RRP15: variants seen among roughly 807,000 people sequenced by gnomAD.
RRP15 encodes ribosomal RNA processing 15 homolog.
RRP15 carries 18 observed loss-of-function variants against 27.1 expected under a neutral mutation model. The observed-to-expected ratio is 0.66, with a 90% CI of 0.46 to 0.98. The LOEUF (loss-of-function observed/expected upper bound fraction) is 0.98. RRP15 is among the 50% of genes least tolerant of loss of function. RRP15 has a pLI of 0.00. For synonymous variants in RRP15, 107 were observed against 109.4 expected, an observed-to-expected ratio of 0.98 and a Z score of 0.14; for missense variants, 359 against 337.8, an observed-to-expected ratio of 1.06 and a Z score of -0.49.
At chr1:218,315,308 A>T (rs1160235700) in intron 4 of RRP15, among the ~76,000 whole-genome samples, 4 of 152,200 alleles carry the variant, frequency 2.6e-5, no homozygotes, top group Admixed American at 6.5e-5. Flanking sequence ...ATGTACTTTT[A>T]AAAATGTGCA....
At chr1:218,290,448 TTTTG>T (rs753287301) in intron 1 of RRP15, among the ~76,000 whole-genome samples, 93 of 151,324 alleles carry the variant, frequency 6.1e-4, no homozygotes, top group South Asian at 2.9e-3. Context: ...TTTTTGGGTT[TTTTG>T]TTTGTTTGTT....
intron 1 of RRP15, 69 bp downstream of exon 1, chr1:218,285,524 T>G (rs1322703996): frequency 6.3e-7 from 1 of 1,595,046 alleles, no homozygotes; most frequent in African/African-American, 1.4e-5. Context: ...CAAGCAGCGC[T>G]TGCGACTTCA....
intron 1 of RRP15, among the ~76,000 whole-genome samples, chr1:218,291,063 TG>T (rs1425193127): frequency 5.3e-5 from 8 of 152,122 alleles, no homozygotes; most frequent in African/African-American, 1.9e-4. Context: ...TGCTTGAGCC[TG>T]GGAGTTCGAG....
intron 1 of RRP15, among the ~76,000 whole-genome samples, chr1:218,287,331 C>G (rs1026312576): frequency 1.6e-4 from 24 of 152,008 alleles, no homozygotes; most frequent in African/African-American, 5.1e-4. Context: ...TGGAACTGTT[C>G]TGACTTTTCA....
At position 218,313,547 on chromosome 1, in the gene RRP15, A is replaced by G. The variant is rs1160610357; in HGVS notation, c.705+5915A>G. ...TTGGAGGCAGTGACTGCTCCAGGTT[A>G]TAATCAGAAATGAGAAGGATGACAG... On this transcript the variant is annotated intron_variant, in intron 4 of 4. Coordinates refer to ENST00000366932, the MANE Select transcript of RRP15 (RefSeq NM_016052.4). Among the ~76,000 whole-genome samples, 3 of 152,214 alleles carry G rather than the reference A, an allele frequency of 2.0e-5. No homozygotes were observed. The East Asian group carries it at 5.8e-4, about 29-fold the overall frequency.
chr1:218,328,457 T>G (rs764210359), intron 4 of RRP15, among the ~76,000 whole-genome samples: 2 of 152,030 alleles, frequency 1.3e-5, no homozygotes, highest in Non-Finnish European at 2.9e-5. Context: ...AGTCAGGAGA[T>G]TGAGACCATC....
Position 218,333,389 on chromosome 1 carries a change from A to G in RRP15, c.*2298A>G, listed in dbSNP as rs1197711314. 7.0e-6 allele frequency: 1 copy of G among 142,430 alleles called. No individual in the cohort carries two copies. Among genetic ancestry groups the G allele is most frequent in the African/African-American group, 2.4e-5 (1 of 40,914 alleles). The allele number at this position is 142,430 out of a possible 1,614,324, so 8.8% of individuals were successfully genotyped here. On this transcript the variant is annotated 3_prime_UTR_variant, in exon 5 of 5. Transcript: ENST00000366932. ...TGTATCTTAAGTGAATGTTTTGAGTAGTTCTGTCACCCCTATTCTAAATAT... is the reference window on the plus strand; with the variant it reads ...TGTATCTTAAGTGAATGTTTTGAGTGGTTCTGTCACCCCTATTCTAAATAT...
In RRP15 at chr1:218,302,577, T is replaced by G; in HGVS notation, c.405+18T>G. On this transcript the variant is annotated intron_variant, in intron 2 of 4. Coordinates refer to ENST00000366932, the MANE Select transcript of RRP15 (RefSeq NM_016052.4). ...TAAAACAGGTATGTTCCACCAGTTC[T>G]CTTGTAGATTAGATTGTTTGTCTAG... 6.2e-7 allele frequency: 1 copy of G among 1,604,694 alleles called. No homozygotes were observed. Among genetic ancestry groups the G allele is most frequent in the Non-Finnish European group, 8.5e-7 (1 of 1,176,606 alleles).
At chr1:218,317,927 G>T (rs1007103255) in intron 4 of RRP15, among the ~76,000 whole-genome samples, 2 of 151,590 alleles carry the variant, frequency 1.3e-5, no homozygotes, top group African/African-American at 4.9e-5. Context: ...AGAGATGGGG[G>T]TCTCATCATG....
chr1:218,294,237 A>G (rs1435915161), intron 1 of RRP15, among the ~76,000 whole-genome samples: 2 of 152,136 alleles, frequency 1.3e-5, no homozygotes, highest in African/African-American at 4.8e-5. Context: ...CTAAGCAAGT[A>G]ATCAATTCTG....
Position 218,302,543 on chromosome 1 carries a change from T to G in RRP15, c.389T>G (p.Leu130Arg), listed in dbSNP as rs781447642. Reference sequence around the variant, plus strand: ...AAAGAAAAGTTAAAGCAAGAAAGACTAGAGAAAATAAAACAGGTATGTTCC... The same window carrying G: ...AAAGAAAAGTTAAAGCAAGAAAGACGAGAGAAAATAAAACAGGTATGTTCC... ...KEKEKLKQER[L>R]EKIKQRDKRL... Residue 130 changes from leucine to arginine, a missense_variant, in exon 2 of 5, where the codon CTA becomes CGA. Coordinates refer to ENST00000366932, the MANE Select transcript of RRP15 (RefSeq NM_016052.4). The G allele has an allele frequency of 5.0e-6, 8 of 1,612,222 alleles. 1 individual carries two copies. The South Asian group carries it at 6.6e-5, about 13-fold the overall frequency.
In RRP15 at chr1:218,307,475, A is replaced by T. The variant is rs768447193; in HGVS notation, c.548A>T (p.Asn183Ile). ...AATGCTGTTCAGAAACATCAAAAGA[A>T]TGTTGATGAAAAGGTTAAGGAAGCT... is the stretch of plus-strand genomic sequence containing the variant. ...LFNAVQKHQK[N>I]VDEKVKEAGS... Residue 183 changes from asparagine to isoleucine, a missense_variant, in exon 4 of 5, where the codon AAT (asparagine) becomes ATT (isoleucine). By Grantham distance (149) the Asn-to-Ile change is moderately radical (BLOSUM62 -3). Transcript: ENST00000366932. 3 of 1,613,984 alleles carry T rather than the reference A, an allele frequency of 1.9e-6. No homozygotes were observed. The highest frequency in any genetic ancestry group is 2.5e-6 in the Non-Finnish European group (3 of 1,179,936).
At chr1:218,289,470 T>A (rs182900441) in intron 1 of RRP15, among the ~76,000 whole-genome samples, 1 of 152,348 alleles carries the variant, frequency 6.6e-6, no homozygotes, top group Admixed American at 6.5e-5. Flanking sequence ...GTGATAACGA[T>A]GTTGATAACA....
intron 4 of RRP15, among the ~76,000 whole-genome samples, chr1:218,319,113 G>A (rs1235902323): frequency 2.0e-5 from 3 of 151,480 alleles, no homozygotes; most frequent in Non-Finnish European, 4.4e-5. Context: ...AGGCTGGAGT[G>A]CAATGGTGCA....
At chr1:218,315,640 A>T (rs533968503) in intron 4 of RRP15, among the ~76,000 whole-genome samples, 5 of 148,498 alleles carry the variant, frequency 3.4e-5, no homozygotes, top group Non-Finnish European at 5.9e-5. Context: ...TTTAGTAGAG[A>T]TGGGGTTTTA....
chr1:218,287,142 C>CT (rs1214536139), intron 1 of RRP15, among the ~76,000 whole-genome samples: 4,820 of 111,380 alleles, frequency 0.043, 104 homozygotes, highest in East Asian at 0.11. Flanking sequence ...TTTTTTTTTT[C>CT]TTTTTTTTTT....
In RRP15 at chr1:218,312,080, C is replaced by T. The variant is rs1656002947; in HGVS notation, c.705+4448C>T. ...GCAAGGGATGGGTTCTCCCCTGAAG[C>T]CCCAAGAGGGAGTGAGGCTTTGCCA... On this transcript the variant is annotated intron_variant, in intron 4 of 4. Coordinates refer to ENST00000366932, the MANE Select transcript of RRP15 (RefSeq NM_016052.4). Among the ~76,000 whole-genome samples, 5 of 152,264 alleles carry T rather than the reference C, an allele frequency of 3.3e-5. No individual in the cohort carries two copies. In the South Asian group the frequency reaches 1.0e-3, roughly 32 times the overall value.
rs1656420551 is a variant in RRP15 at position 218,334,488 on chromosome 1, T to C, written c.*3397T>C. 6.6e-6 allele frequency: 1 copy of C among 152,228 alleles called. No homozygotes were observed. The highest frequency in any genetic ancestry group is 2.4e-5 in the African/African-American group (1 of 41,460). 9.4% of individuals were successfully genotyped at this position (152,228 alleles called of 1,614,324 possible). ...ATTTCCTTCTATGTCTCCATTAATG[T>C]GCTAACTTGAAGGAATTTAACTTCA... is the stretch of plus-strand genomic sequence containing the variant. On this transcript the variant is annotated 3_prime_UTR_variant, in exon 5 of 5. Transcript: ENST00000366932.
At chr1:218,326,287 C>G (rs899855609) in intron 4 of RRP15, among the ~76,000 whole-genome samples, 2 of 152,134 alleles carry the variant, frequency 1.3e-5, no homozygotes, top group Non-Finnish European at 2.9e-5. Flanking sequence ...GCCTAGGCAA[C>G]AAGAGTGAAA....
Sources: allele counts gnomAD v4.1 joint callset (sites outside exome capture counted in the v4.1 genomes callset), GRCh38; gene constraint gnomAD v4.1.1; transcripts MANE v1.5; gene names NCBI Gene and HGNC (gene_info 2026-07-23, HGNC 2026-07-21).